Variants in EYS observed in about 807,000 individuals in gnomAD.
EYS encodes the protein protein eyes shut homolog.
In EYS, 250 loss-of-function variants were observed where a neutral mutation model predicts 282.1. The observed-to-expected ratio is 0.89, with a 90% confidence interval of 0.80 to 0.98. The LOEUF is 0.98. EYS is among the 50% of genes least tolerant of loss of function. The pLI is 0.00. For synonymous variants in EYS, 1,355 were observed against 1,282.9 expected (o/e 1.06, Z -1.20); for missense variants, 4,016 against 3,709.0 (o/e 1.08, Z -2.15).
intron 2 of EYS, among the ~76,000 whole-genome samples, chr6:65,536,059 T>C (rs1405143976): frequency 6.6e-6 from 1 of 152,094 alleles, no homozygotes; most frequent in Non-Finnish European, 1.5e-5. Flanking sequence ...GACGTGATGA[T>C]GAATTTACTT....
chr6:65,568,328 C>G (rs1219479980), intron 2 of EYS, among the ~76,000 whole-genome samples: 4 of 147,160 alleles, frequency 2.7e-5, no homozygotes, highest in African/African-American at 5.0e-5. Context: ...TTTGTAACCT[C>G]AAGATGGTAT....
At chr6:63,992,242 T>C (rs779084437) in intron 34 of EYS, among the ~76,000 whole-genome samples, 1 of 151,856 alleles carries the variant, frequency 6.6e-6, no homozygotes, top group Non-Finnish European at 1.5e-5. Context: ...TTGGAATTTA[T>C]TTATTTTCCA....
chr6:64,071,507 T>A (rs574416779), intron 32 of EYS, among the ~76,000 whole-genome samples: 2 of 151,874 alleles, frequency 1.3e-5, no homozygotes, highest in East Asian at 3.9e-4. Context: ...TCTCACCAGT[T>A]ACTACATAAA....
intron 2 of EYS, among the ~76,000 whole-genome samples, chr6:65,517,343 A>AT (rs200975829): frequency 2.8e-5 from 4 of 140,622 alleles, no homozygotes; most frequent in South Asian, 2.4e-4. Flanking sequence ...AACAACAACA[A>AT]AAAAAAAACA....
intron 37 of EYS, among the ~76,000 whole-genome samples, chr6:63,798,302 A>C (rs1399168314): frequency 6.6e-6 from 1 of 152,202 alleles, no homozygotes; most frequent in Non-Finnish European, 1.5e-5. Flanking sequence ...TTTTTAAACT[A>C]TTTTAAAAGA....
intron 28 of EYS, among the ~76,000 whole-genome samples, chr6:64,431,655 A>C (rs1022781439): frequency 1.3e-5 from 2 of 151,798 alleles, no homozygotes; most frequent in African/African-American, 4.8e-5. Flanking sequence ...CTCCAGTAAG[A>C]CTCTATTGCA....
intron 26 of EYS, among the ~76,000 whole-genome samples, chr6:64,528,397 C>T (rs1466841179): frequency 6.6e-6 from 1 of 151,724 alleles, no homozygotes; most frequent in East Asian, 1.9e-4. Flanking sequence ...CAGGGTTCTT[C>T]TATTCTTTTT....
chr6:65,670,415 A>T (rs1205987634), intron 1 of EYS, among the ~76,000 whole-genome samples: 1 of 151,878 alleles, frequency 6.6e-6, no homozygotes, highest in Admixed American at 6.6e-5. Context: ...AGGTTTCCTC[A>T]CTCTGTTCAC....
At chr6:63,838,697 A>G (rs1205977570) in intron 36 of EYS, among the ~76,000 whole-genome samples, 2 of 152,170 alleles carry the variant, frequency 1.3e-5, no homozygotes, top group African/African-American at 4.8e-5. Flanking sequence ...TCTCCCACAT[A>G]GGATAAGGCC....
chr6:63,915,085 T>C (rs1002981650), intron 35 of EYS, among the ~76,000 whole-genome samples: 3 of 152,174 alleles, frequency 2.0e-5, no homozygotes, highest in African/African-American at 4.8e-5. Flanking sequence ...TAGCCTTATA[T>C]TGAAAGAAGG....
intron 11 of EYS, among the ~76,000 whole-genome samples, chr6:65,333,341 A>T (rs1345356862): frequency 6.6e-6 from 1 of 151,724 alleles, no homozygotes; most frequent in African/African-American, 2.4e-5. Flanking sequence ...TTGTAAATTT[A>T]TCAAGTTACT....
chr6:64,600,886 T>G (rs557108731), intron 24 of EYS, among the ~76,000 whole-genome samples: 1 of 152,134 alleles, frequency 6.6e-6, no homozygotes, highest in African/African-American at 2.4e-5. Flanking sequence ...TTATCTAAAC[T>G]TTTCATTCTT....
At chr6:64,349,569 T>G (rs2150402249) in intron 29 of EYS, among the ~76,000 whole-genome samples, 1 of 151,426 alleles carries the variant, frequency 6.6e-6, no homozygotes, top group South Asian at 2.1e-4. Context: ...ATAAAATAAA[T>G]AGAATCTTCT....
intron 19 of EYS, among the ~76,000 whole-genome samples, chr6:64,883,676 G>A (rs983881204): frequency 1.5e-4 from 23 of 151,162 alleles, no homozygotes; most frequent in African/African-American, 3.6e-4. Flanking sequence ...ACTCAAATTC[G>A]TAAGCCAATA....
intron 22 of EYS, among the ~76,000 whole-genome samples, chr6:64,710,134 A>G (rs1771157869): frequency 6.6e-6 from 1 of 152,254 alleles, no homozygotes; most frequent in South Asian, 2.1e-4. Context: ...ATTATTAATG[A>G]TTAAATTCTC....
chr6:65,179,577 C>G (rs1765320268), intron 12 of EYS, among the ~76,000 whole-genome samples: 1 of 151,280 alleles, frequency 6.6e-6, no homozygotes, highest in African/African-American at 2.4e-5. Flanking sequence ...GCTTAGCAAC[C>G]AAAAAAAGTC....
At chr6:64,925,535 C>T (rs1768488193) in intron 15 of EYS, among the ~76,000 whole-genome samples, 1 of 152,140 alleles carries the variant, frequency 6.6e-6, no homozygotes, top group Non-Finnish European at 1.5e-5. Context: ...TAGCAGAGGT[C>T]ATATGAGGCT....
chr6:64,257,766 G>GGATGATGAT (rs3072582), intron 30 of EYS, among the ~76,000 whole-genome samples: 376 of 149,328 alleles, frequency 2.5e-3, no homozygotes, highest in African/African-American at 4.0e-3. Context: ...TGAATGGTGT[G>GGATGATGAT]GATGATGATG....
intron 12 of EYS, among the ~76,000 whole-genome samples, chr6:65,202,894 T>A (rs1046081952): frequency 2.0e-5 from 3 of 152,136 alleles, no homozygotes; most frequent in African/African-American, 7.2e-5. Context: ...TCCAACCCTT[T>A]CTGGAGGGTC....
Sources: gnomAD v4.1 joint callset for allele counts (sites outside exome capture counted in the v4.1 genomes callset) on GRCh38, gnomAD v4.1.1 for gene constraint, MANE v1.5 for transcripts, NCBI Gene and HGNC (gene_info 2026-07-23, HGNC 2026-07-21) for gene names.